TSPEAR: variants seen among roughly 807,000 people sequenced by gnomAD.
The protein encoded by TSPEAR is thrombospondin type laminin G domain and EAR repeats.
Under a neutral mutation model 71.6 loss-of-function variants are expected in TSPEAR, and 69 were observed. That is an observed-to-expected ratio of 0.96 (90% CI 0.79 to 1.18). TSPEAR has a LOEUF of 1.18. Ranked by LOEUF, TSPEAR falls within the 50% of genes most tolerant of loss-of-function variation. The pLI, the probability that TSPEAR is intolerant of heterozygous loss-of-function variation, is 0.00. For synonymous variants in TSPEAR, 402 were observed against 387.2 expected (o/e 1.04, Z -0.45); for missense variants, 971 against 894.9 (o/e 1.09, Z -1.09).
chr21:44,516,778 A>C (rs2052585666), intron 9 of TSPEAR, among the ~76,000 whole-genome samples: 1 of 151,936 alleles, frequency 6.6e-6, no homozygotes, highest in East Asian at 1.9e-4. Context: ...AAATCACAGG[A>C]CGGGTTCACC....
intron 1 of TSPEAR, chr21:44,678,042 C>G: frequency 1.3e-6 from 1 of 751,234 alleles, no homozygotes; most frequent in African/African-American, 1.7e-5. Flanking sequence ...AGAGACAACT[C>G]TGGGCCACAG....
intron 1 of TSPEAR, among the ~76,000 whole-genome samples, chr21:44,638,684 CCGTGGGCCCCCAACCCCAGCA>C (rs1983830305): frequency 1.3e-5 from 2 of 151,900 alleles, no homozygotes; most frequent in South Asian, 4.2e-4. Context: ...CCTCTTAGCC[CCGTGGGCCCCCAACCCCAGCA>C]CGTGGCCCCC....
chr21:44,694,324 A>G (rs1279056904), intron 1 of TSPEAR, among the ~76,000 whole-genome samples: 1 of 152,230 alleles, frequency 6.6e-6, no homozygotes, highest in Non-Finnish European at 1.5e-5. Flanking sequence ...AAAAACAAAT[A>G]TTGTTTGATT....
intron 1 of TSPEAR, among the ~76,000 whole-genome samples, chr21:44,607,972 A>C (rs1043639084): frequency 2.0e-5 from 3 of 152,220 alleles, no homozygotes; most frequent in Non-Finnish European, 4.4e-5. Flanking sequence ...ATTGTACTAT[A>C]GAATTTGATT....
chr21:44,554,052 G>A (rs1328645857), intron 2 of TSPEAR, among the ~76,000 whole-genome samples: 1 of 152,210 alleles, frequency 6.6e-6, no homozygotes, highest in Admixed American at 6.5e-5. Flanking sequence ...ATGGCAAAGT[G>A]ATTGTTATGG....
At chr21:44,579,820 G>A (rs1978768722) in intron 1 of TSPEAR, 2 of 1,609,976 alleles carry the variant, frequency 1.2e-6, no homozygotes, top group Non-Finnish European at 8.5e-7. Context: ...AGGAGGCCGG[G>A]CGGCAGCAGC....
At position 44,539,763 on chromosome 21, in the gene TSPEAR, T is replaced by C. The variant is rs782204361; in HGVS notation, c.304-5840A>G. 2.1e-5 allele frequency: 33 copies of C among 1,604,092 alleles called. No homozygotes were observed. The highest frequency in any genetic ancestry group is 6.8e-5 in the Admixed American group (4 of 59,066). On this transcript the variant is annotated intron_variant, in intron 2 of 11. Transcript: ENST00000323084. ...TGGCTGGAGGAAGAGGCACAGCAAG[T>C]TGGCTGGCAGCTAGACTGCTGGCAG...
At chr21:44,621,495 G>A (rs1401929266) in intron 1 of TSPEAR, among the ~76,000 whole-genome samples, 1 of 152,180 alleles carries the variant, frequency 6.6e-6, no homozygotes, top group Non-Finnish European at 1.5e-5. Context: ...TCCTCATCAG[G>A]CTCCTTTCCT....
chr21:44,575,109 A>G, intron 1 of TSPEAR: 1 of 1,200,322 alleles, frequency 8.3e-7, no homozygotes. Context: ...CTGCACTTTG[A>G]CCATTTCCTG....
intron 1 of TSPEAR, among the ~76,000 whole-genome samples, chr21:44,693,232 A>G (rs1234292075): frequency 6.6e-6 from 1 of 152,180 alleles, no homozygotes; most frequent in Non-Finnish European, 1.5e-5. Context: ...TGCCCTAAAT[A>G]TGGTAGCTGG....
At chr21:44,537,118 C>T (rs55785236) in intron 2 of TSPEAR, among the ~76,000 whole-genome samples, 21,587 of 152,174 alleles carry the variant, frequency 0.14, 1,826 homozygotes, top group South Asian at 0.26. Flanking sequence ...TTTAAAAGCT[C>T]AATGCAATCC....
At chr21:44,559,005 A>G (rs1555920569) in intron 2 of TSPEAR, among the ~76,000 whole-genome samples, 1 of 152,144 alleles carries the variant, frequency 6.6e-6, no homozygotes, top group East Asian at 1.9e-4. Flanking sequence ...ACAGAGATAA[A>G]CTAGTAGAAA....
At chr21:44,606,609 A>G (rs781897953) in intron 1 of TSPEAR, among the ~76,000 whole-genome samples, 5 of 152,158 alleles carry the variant, frequency 3.3e-5, no homozygotes, top group Non-Finnish European at 5.9e-5. Flanking sequence ...TAGCCTAGGT[A>G]TGGAATCGAT....
chr21:44,668,092 A>G (rs139441401), intron 1 of TSPEAR, among the ~76,000 whole-genome samples: 205 of 152,350 alleles, frequency 1.3e-3, no homozygotes, highest in African/African-American at 4.6e-3. Flanking sequence ...AAAGCATCCA[A>G]ATTGAAAAGC....
chr21:44,507,418 C>T (rs1189238599), intron 10 of TSPEAR, among the ~76,000 whole-genome samples: 1 of 152,254 alleles, frequency 6.6e-6, no homozygotes, highest in African/African-American at 2.4e-5. Context: ...GGTGAGGCCA[C>T]ATCACGTCTC....
At chr21:44,549,044 A>C (rs2053352542) in intron 2 of TSPEAR, among the ~76,000 whole-genome samples, 1 of 152,256 alleles carries the variant, frequency 6.6e-6, no homozygotes, top group South Asian at 2.1e-4. Context: ...GAGAGCACAC[A>C]GAACAAAGGA....
intron 1 of TSPEAR, among the ~76,000 whole-genome samples, chr21:44,572,877 A>G (rs1008824107): frequency 1.3e-5 from 2 of 148,328 alleles, no homozygotes; most frequent in Non-Finnish European, 1.5e-5. Flanking sequence ...ACACACACAC[A>G]CACACACACG....
rs782267739 is a variant in TSPEAR at position 44,591,835 on chromosome 21, G to A, written c.83-23830C>T. The stretch of plus-strand genomic sequence containing the variant: ...CTGGCAGGGGGAGGAGGTGCAGCAA[G>A]TTGGCTGGCAGCTAGACTGCTGGCA... On this transcript the variant is annotated intron_variant, in intron 1 of 11. Coordinates refer to ENST00000323084, the MANE Select transcript of TSPEAR (RefSeq NM_144991.3). 5 of 1,598,294 alleles carry A rather than the reference G, an allele frequency of 3.1e-6. No homozygotes were observed. Among genetic ancestry groups the A allele is most frequent in the South Asian group, 2.2e-5 (2 of 89,620 alleles).
intron 7 of TSPEAR, among the ~76,000 whole-genome samples, chr21:44,526,247 G>A (rs748399402): frequency 1.2e-4 from 19 of 152,308 alleles, no homozygotes; most frequent in Non-Finnish European, 2.2e-4. Context: ...GGCAATGTGT[G>A]TAAAACATGA....
Sources: gnomAD v4.1 joint callset for allele counts (sites outside exome capture counted in the v4.1 genomes callset) on GRCh38, gnomAD v4.1.1 for gene constraint, MANE v1.5 for transcripts, NCBI Gene and HGNC (gene_info 2026-07-23, HGNC 2026-07-21) for gene names.